AGBL4: variants seen among roughly 807,000 people sequenced by gnomAD.
AGBL4 encodes cytosolic carboxypeptidase 6.
Under a neutral mutation model 66.4 loss-of-function variants are expected in AGBL4, and 58 were observed. That is an observed-to-expected ratio of 0.87 (90% CI 0.71 to 1.09). AGBL4 has a LOEUF of 1.09. Among genes scored for constraint, AGBL4 ranks in the 50% least tolerant of loss-of-function variants. The pLI is 0.00. For missense variants in AGBL4, 579 were observed against 631.0 expected (o/e 0.92, Z 0.88); for synonymous variants, 234 against 222.9 (o/e 1.05, Z -0.44).
In AGBL4 at chr1:49,755,519, T is replaced by C. The variant is rs576613295; in HGVS notation, c.158-58082A>G. 6.6e-5 allele frequency among the ~76,000 whole-genome samples: 10 copies of C among 152,330 alleles called. No homozygotes were observed. In the East Asian group the frequency reaches 1.7e-3, roughly 26 times the overall value. On this transcript the variant is annotated intron_variant, in intron 2 of 13. Coordinates refer to ENST00000371839, the MANE Select transcript of AGBL4 (RefSeq NM_032785.4). ...TTACAAAATACTAAACTAACTCTAATGGATTCATATTAAAACTTCCTGATC... is the reference window on the plus strand; with the variant it reads ...TTACAAAATACTAAACTAACTCTAACGGATTCATATTAAAACTTCCTGATC...
intron 5 of AGBL4, among the ~76,000 whole-genome samples, chr1:48,989,663 T>C (rs1660456939): frequency 6.6e-6 from 1 of 152,206 alleles, no homozygotes; most frequent in Non-Finnish European, 1.5e-5. Flanking sequence ...TCACCTAACA[T>C]TATGATCTCA....
intron 3 of AGBL4, among the ~76,000 whole-genome samples, chr1:49,277,157 T>C (rs1231416521): frequency 1.3e-5 from 2 of 152,332 alleles, no homozygotes. Context: ...TTAAACTGAA[T>C]TTGATATTCT....
At chr1:48,888,575 G>T (rs1165219682) in intron 5 of AGBL4, among the ~76,000 whole-genome samples, 1 of 152,102 alleles carries the variant, frequency 6.6e-6, no homozygotes, top group Non-Finnish European at 1.5e-5. Context: ...CAAACTGCCT[G>T]CTTCCCCTAC....
intron 3 of AGBL4, among the ~76,000 whole-genome samples, chr1:49,633,737 A>C (rs1054315572): frequency 3.3e-5 from 5 of 151,480 alleles, no homozygotes; most frequent in African/African-American, 9.7e-5. Flanking sequence ...TCACACTATA[A>C]ATTAAAATCA....
intron 9 of AGBL4, among the ~76,000 whole-genome samples, chr1:48,624,921 T>C (rs993120582): frequency 4.9e-5 from 7 of 143,730 alleles, no homozygotes; most frequent in South Asian, 4.6e-4. Context: ...TGTGTGTGTG[T>C]GCACGTGACA....
intron 5 of AGBL4, among the ~76,000 whole-genome samples, chr1:49,000,314 G>A (rs933780993): frequency 6.6e-6 from 1 of 152,070 alleles, no homozygotes; most frequent in Non-Finnish European, 1.5e-5. Flanking sequence ...TGACCTTTAT[G>A]ATCAAGTGAT....
At chr1:48,660,713 G>A (rs1646093436) in intron 7 of AGBL4, among the ~76,000 whole-genome samples, 1 of 152,212 alleles carries the variant, frequency 6.6e-6, no homozygotes, top group Admixed American at 6.5e-5. Context: ...AACAGGATTG[G>A]GGAGATGGAC....
At chr1:49,768,032 A>T (rs1211208951) in intron 2 of AGBL4, among the ~76,000 whole-genome samples, 1 of 151,976 alleles carries the variant, frequency 6.6e-6, no homozygotes, top group Admixed American at 6.5e-5. Context: ...CAAAACAAAA[A>T]AACCCTGTCA....
chr1:49,983,261 T>C (rs1434903037), intron 1 of AGBL4, among the ~76,000 whole-genome samples: 1 of 152,214 alleles, frequency 6.6e-6, no homozygotes, highest in Non-Finnish European at 1.5e-5. Context: ...GACACCCTCT[T>C]TGGGGCTCTG....
At chr1:49,636,740 T>C (rs1256396180) in intron 3 of AGBL4, among the ~76,000 whole-genome samples, 2 of 152,274 alleles carry the variant, frequency 1.3e-5, no homozygotes, top group African/African-American at 4.8e-5. Flanking sequence ...CTCACAAGAA[T>C]GGTGGGGAGG....
chr1:49,161,446 C>T (rs926760038), intron 4 of AGBL4, among the ~76,000 whole-genome samples: 5 of 152,170 alleles, frequency 3.3e-5, no homozygotes, highest in African/African-American at 4.8e-5. Flanking sequence ...AATCACCCAC[C>T]TTCTGCATCA....
At chr1:49,483,383 G>A (rs1646996602) in intron 3 of AGBL4, among the ~76,000 whole-genome samples, 1 of 151,942 alleles carries the variant, frequency 6.6e-6, no homozygotes, top group African/African-American at 2.4e-5. Context: ...AATTAATATA[G>A]CTAAAATGTC....
intron 2 of AGBL4, among the ~76,000 whole-genome samples, chr1:49,729,609 G>A (rs952201592): frequency 7.9e-5 from 12 of 152,062 alleles, no homozygotes; most frequent in African/African-American, 2.2e-4. Context: ...AAACAATAGG[G>A]TTAGTGGGAG....
intron 6 of AGBL4, among the ~76,000 whole-genome samples, chr1:48,748,060 G>C (rs1194299729): frequency 6.6e-6 from 1 of 152,100 alleles, no homozygotes; most frequent in East Asian, 1.9e-4. Flanking sequence ...AATGCGTACA[G>C]AACATCTGCT....
chr1:49,343,082 T>G (rs1159276013), intron 3 of AGBL4, among the ~76,000 whole-genome samples: 1 of 151,996 alleles, frequency 6.6e-6, no homozygotes, highest in Non-Finnish European at 1.5e-5. Context: ...TCTTTTTGGG[T>G]CTTATTTTTT....
intron 6 of AGBL4, among the ~76,000 whole-genome samples, chr1:48,760,769 T>G (rs573516077): frequency 6.6e-6 from 1 of 152,168 alleles, no homozygotes; most frequent in Non-Finnish European, 1.5e-5. Context: ...AGGTATCTAC[T>G]GCACAGAAAA....
At chr1:48,544,408 A>C (rs1267212376) in intron 11 of AGBL4, among the ~76,000 whole-genome samples, 1 of 152,186 alleles carries the variant, frequency 6.6e-6, no homozygotes, top group Non-Finnish European at 1.5e-5. Flanking sequence ...ATTTAATCCA[A>C]ATCCTGGCTC....
chr1:48,789,320 G>A (rs987350912), intron 6 of AGBL4, among the ~76,000 whole-genome samples: 17 of 149,194 alleles, frequency 1.1e-4, no homozygotes, highest in African/African-American at 3.0e-4. Flanking sequence ...ACGGCATCTC[G>A]CTCTGTCACC....
intron 3 of AGBL4, among the ~76,000 whole-genome samples, chr1:49,610,817 CA>C (rs1199360022): frequency 6.6e-6 from 1 of 152,168 alleles, no homozygotes; most frequent in Admixed American, 6.5e-5. Context: ...GTTATAGTAG[CA>C]GGAATTGACT....
Sources: gnomAD v4.1 joint callset for allele counts (sites outside exome capture counted in the v4.1 genomes callset) on GRCh38, gnomAD v4.1.1 for gene constraint, MANE v1.5 for transcripts, NCBI Gene and HGNC (gene_info 2026-07-23, HGNC 2026-07-21) for gene names.